Variants in CCPG1 observed in about 807,000 individuals in gnomAD.
CCPG1 encodes cell cycle progression 1.
A neutral mutation model predicts 81.3 loss-of-function variants in CCPG1; 46 were observed. The ratio of observed to expected loss-of-function variants is 0.57; its 90% CI spans 0.45 to 0.72. The LOEUF (loss-of-function observed/expected upper bound fraction) is 0.72, where lower values mean the gene tolerates loss of function less well. Among genes scored for constraint, CCPG1 ranks in the 30% least tolerant of loss-of-function variants. The pLI is 0.00. For missense variants in CCPG1, 902 were observed against 937.6 expected, an observed-to-expected ratio of 0.96 and a Z score of 0.50; for synonymous variants, 330 against 305.2, an observed-to-expected ratio of 1.08 and a Z score of -0.85.
chr15:55,407,555 AC>A (rs2057260819), intron 1 of CCPG1, among the ~76,000 whole-genome samples: 1 of 152,178 alleles, frequency 6.6e-6, no homozygotes, highest in Non-Finnish European at 1.5e-5. Flanking sequence ...TCAATAAAAT[AC>A]CTTACTTGGC....
chr15:55,368,426 G>A (rs2056375835), intron 6 of CCPG1, among the ~76,000 whole-genome samples: 8 of 152,088 alleles, frequency 5.3e-5, no homozygotes, highest in Admixed American at 2.0e-4. Flanking sequence ...GGATAATTCA[G>A]TAAGTGTACC....
intron 5 of CCPG1, chr15:55,372,279 C>CT (rs1442918076): frequency 1.8e-6 from 1 of 550,144 alleles, no homozygotes; most frequent in African/African-American, 1.9e-5. Flanking sequence ...CTATTTGGTG[C>CT]TTTGAGAGCC....
intron 4 of CCPG1, 43 bp from the exon 5 acceptor site, chr15:55,377,193 T>G (rs2056584553): frequency 7.3e-7 from 1 of 1,376,172 alleles, no homozygotes; most frequent in African/African-American, 1.4e-5. Context: ...CAACAATCAT[T>G]TAAGGGTCTT....
At chr15:55,358,525 C>A in intron 8 of CCPG1, 2 of 985,410 alleles carry the variant, frequency 2.0e-6, no homozygotes, top group Non-Finnish European at 2.4e-6. Flanking sequence ...AGCAGTGTAT[C>A]TTCACATCTC....
chr15:55,380,262 C>T (rs968685119), intron 3 of CCPG1, among the ~76,000 whole-genome samples: 12 of 150,522 alleles, frequency 8.0e-5, no homozygotes, highest in Admixed American at 5.3e-4. Flanking sequence ...TTTTTTTTTC[C>T]CTATCATGAA....
In CCPG1 at chr15:55,360,577, TC is replaced by T. The variant is rs1566965951; in HGVS notation, c.1195del (p.Glu399AsnfsTer5). The T allele has an allele frequency of 6.2e-7, 1 of 1,614,102 alleles. No individual in the cohort carries two copies. Among genetic ancestry groups the T allele is most frequent in the Non-Finnish European group, 8.5e-7 (1 of 1,180,016 alleles). On this transcript the variant is annotated frameshift_variant, in exon 8 of 9. Transcript: ENST00000442196. LOFTEE classifies it high-confidence loss of function. Reference protein sequence around the residue: ...ERLVTTALRGELQQLSGSQLH... With the variant: ...ERLVTTALRGXLQQLSGSQLH... The stretch of plus-strand genomic sequence containing the variant: ...CTGACTACCACTTAACTGCTGGAGT[TC>T]CCCCCTTAAAGCCGTAGTTACTAGT...
rs756317982 is a variant in CCPG1, at chr15:55,360,563, T to C, written c.1210A>G (p.Ser404Gly). Residue 404 changes from serine (S) to glycine (G), a missense_variant, in exon 8 of 9, where the codon AGT (serine) becomes GGT (glycine). By Grantham distance (56) the Ser-to-Gly change is moderately conservative. Around this residue, in one of 3 missense-constraint regions of CCPG1, gnomAD observed 746 missense variants for 728.6 expected, o/e 1.02. Coordinates refer to ENST00000442196, the MANE Select transcript of CCPG1 (RefSeq NM_001204450.2). Reference protein sequence around the residue: ...TALRGELQQLSGSQLHGKSDS... With the variant: ...TALRGELQQLGGSQLHGKSDS... ...GACTTGCCATGTAACTGACTACCACTTAACTGCTGGAGTTCCCCCCTTAAA... is the reference window on the plus strand; with the variant it reads ...GACTTGCCATGTAACTGACTACCACCTAACTGCTGGAGTTCCCCCCTTAAA... 4 of 1,614,060 alleles carry C rather than the reference T, an allele frequency of 2.5e-6. No homozygotes were observed. Among genetic ancestry groups the C allele is most frequent in the Non-Finnish European group, 3.4e-6 (4 of 1,180,022 alleles).
intron 1 of CCPG1, among the ~76,000 whole-genome samples, chr15:55,400,129 G>A (rs1181645803): frequency 7.2e-6 from 1 of 139,244 alleles, no homozygotes; most frequent in Non-Finnish European, 1.5e-5. Context: ...ATTGCTGCTT[G>A]AACCCAGGAA....
intron 6 of CCPG1, among the ~76,000 whole-genome samples, chr15:55,371,086 C>T (rs953962906): frequency 6.6e-6 from 1 of 152,086 alleles, no homozygotes; most frequent in Non-Finnish European, 1.5e-5. Context: ...GCACTCCAGC[C>T]TGGGCGACAG....
chr15:55,383,924 C>G (rs58220352), intron 3 of CCPG1, among the ~76,000 whole-genome samples: 27,107 of 152,186 alleles, frequency 0.18, 4,188 homozygotes, highest in African/African-American at 0.42. Flanking sequence ...GCTTCCTTAT[C>G]ATTCATGTGT....
At chr15:55,378,684 A>C (rs1429532794) in intron 3 of CCPG1, among the ~76,000 whole-genome samples, 3 of 151,688 alleles carry the variant, frequency 2.0e-5, no homozygotes, top group Non-Finnish European at 4.4e-5. Flanking sequence ...GCTCGCTGCA[A>C]CCTCTGCCTC....
intron 7 of CCPG1, among the ~76,000 whole-genome samples, chr15:55,362,798 T>C (rs1166705545): frequency 2.0e-5 from 3 of 152,150 alleles, no homozygotes; most frequent in Admixed American, 6.5e-5. Flanking sequence ...TCCCAGTATT[T>C]TGAGGCCAAG....
chr15:55,394,741 T>A (rs2056983960), intron 1 of CCPG1, among the ~76,000 whole-genome samples: 1 of 151,732 alleles, frequency 6.6e-6, no homozygotes, highest in Admixed American at 6.6e-5. Flanking sequence ...TTGAGAAAGT[T>A]CTATTTGTGT....
intron 1 of CCPG1, among the ~76,000 whole-genome samples, chr15:55,393,098 C>A (rs1189879391): frequency 6.6e-6 from 1 of 151,396 alleles, no homozygotes; most frequent in Non-Finnish European, 1.5e-5. Context: ...GAGGGAAACT[C>A]CGTCTCAAAA....
chr15:55,388,400 G>A (rs1042985643), intron 2 of CCPG1, among the ~76,000 whole-genome samples: 8 of 152,110 alleles, frequency 5.3e-5, no homozygotes, highest in Admixed American at 4.6e-4. Flanking sequence ...AATTCATTTT[G>A]TGATAGGGTT....
At chr15:55,372,190 A>C (rs1418981525) in intron 5 of CCPG1, 146 bp from the exon 6 acceptor site, 65 of 717,386 alleles carry the variant, frequency 9.1e-5, no homozygotes, top group Non-Finnish European at 1.4e-5. Flanking sequence ...ATAAACAAAA[A>C]CACGGGTTTT....
intron 1 of CCPG1, among the ~76,000 whole-genome samples, chr15:55,390,290 G>T (rs2056888514): frequency 6.6e-6 from 1 of 152,186 alleles, no homozygotes; most frequent in Admixed American, 6.5e-5. Context: ...GGGCAGGGGG[G>T]AAGACACCAG....
intron 6 of CCPG1, 101 bp from the exon 7 acceptor site, chr15:55,365,410 CT>C (rs1315296226): frequency 6.0e-5 from 33 of 546,392 alleles, no homozygotes; most frequent in Admixed American, 7.7e-5. Context: ...GCTATGTAGT[CT>C]TTTTTTTGTT....
chr15:55,407,684 G>A (rs1301535606), intron 1 of CCPG1, among the ~76,000 whole-genome samples: 2 of 152,192 alleles, frequency 1.3e-5, no homozygotes, highest in South Asian at 4.1e-4. Context: ...ACTGGAGAAG[G>A]ATATGGAGAG....
Sources: allele counts gnomAD v4.1 joint callset (sites outside exome capture counted in the v4.1 genomes callset), GRCh38; gene constraint gnomAD v4.1.1; regional missense constraint gnomAD v4.1.1; transcripts MANE v1.5; gene names NCBI Gene and HGNC (gene_info 2026-07-23, HGNC 2026-07-21).